The following FRMPD4 variants were observed in gnomAD, a reference collection of about 807,000 sequenced individuals.
The protein encoded by FRMPD4 is FERM and PDZ domain containing 4.
FRMPD4 carries 22 observed loss-of-function variants against 94.1 expected under a neutral mutation model. That is an observed-to-expected ratio of 0.23 (90% CI 0.17 to 0.33). FRMPD4 has a LOEUF of 0.33. Among genes scored for constraint, FRMPD4 ranks in the 10% least tolerant of loss-of-function variants. The probability of loss-of-function intolerance (pLI) is 1.00; values close to 1 mark genes in which losing one functional copy is unlikely to be tolerated. For synonymous variants in FRMPD4, 631 were observed against 548.6 expected (o/e 1.15, Z -2.10); for missense variants, 1,111 against 1,339.9 (o/e 0.83, Z 2.67).
chrX:12,712,048 T>C (rs2041996802), intron 14 of FRMPD4, among the ~76,000 whole-genome samples: 1 of 111,263 alleles, frequency 9.0e-6, no homozygotes. Context: ...CAAATAAATC[T>C]GAGATTTAAT....
chrX:12,581,533 G>T (rs2148378233), intron 2 of FRMPD4, among the ~76,000 whole-genome samples: 1 of 112,025 alleles, frequency 8.9e-6, no homozygotes, highest in East Asian at 2.8e-4. Flanking sequence ...AAGAAATTTT[G>T]CTTAAACTAA....
At chrX:12,526,235 G>C in intron 2 of FRMPD4, among the ~76,000 whole-genome samples, 1 of 111,918 alleles carries the variant, frequency 8.9e-6, no homozygotes, top group African/African-American at 3.2e-5. Context: ...TCAAAGTATA[G>C]TCTGTCTGTG....
chrX:12,408,914 GA>G (rs1341995672), intron 1 of FRMPD4, among the ~76,000 whole-genome samples: 1 of 110,987 alleles, frequency 9.0e-6, no homozygotes, highest in Admixed American at 9.6e-5. Flanking sequence ...TCTTCCATTA[GA>G]GAGAGAATAT....
rs564192454 is a variant in FRMPD4 at position 12,527,902 on chromosome X, A to C, written c.158+29106A>C. On this transcript the variant is annotated intron_variant, in intron 2 of 16. Transcript: ENST00000675598. ...AAGGCATAAGAAGTCTTTTTGGCTT[A>C]ATGGGGAAATTGAAATGTTCTCTCA... Among the ~76,000 whole-genome samples, 64 of 112,411 alleles carry C rather than the reference A, an allele frequency of 5.7e-4. No homozygotes were observed. In the South Asian group the frequency reaches 0.023, roughly 41 times the overall value.
chrX:12,479,424 G>GACATATATACGTA (rs1555971406), intron 1 of FRMPD4, among the ~76,000 whole-genome samples: 1 of 68,830 alleles, frequency 1.5e-5, no homozygotes, highest in Admixed American at 1.5e-4. Context: ...ACATATATAC[G>GACATATATACGTA]TATATATATA....
At chrX:11,904,220 T>C (rs1409531872) in intron 3 of FRMPD4, among the ~76,000 whole-genome samples, 1 of 112,121 alleles carries the variant, frequency 8.9e-6, no homozygotes, top group Non-Finnish European at 1.9e-5. Flanking sequence ...ATGGTCATCA[T>C]CGGGTTTAAA....
chrX:12,018,363 C>T (rs2054614884), intron 3 of FRMPD4, among the ~76,000 whole-genome samples: 1 of 111,541 alleles, frequency 9.0e-6, no homozygotes, highest in Non-Finnish European at 1.9e-5. Context: ...GTGTTCTTCC[C>T]TCTGTGTGTG....
chrX:11,965,384 A>G (rs1341506412), intron 3 of FRMPD4, among the ~76,000 whole-genome samples: 1 of 112,411 alleles, frequency 8.9e-6, no homozygotes, highest in Non-Finnish European at 1.9e-5. Flanking sequence ...ATTCCCCTAG[A>G]AAGGATTCCT....
intron 1 of FRMPD4, among the ~76,000 whole-genome samples, chrX:12,320,926 T>C (rs141867539): frequency 0.03 from 3,420 of 112,251 alleles, 55 homozygotes; most frequent in Non-Finnish European, 0.047. Flanking sequence ...AGAAACTTTG[T>C]CCTGTACAGT....
At chrX:12,153,988 G>A (rs1325753948) in intron 1 of FRMPD4, among the ~76,000 whole-genome samples, 3 of 112,797 alleles carry the variant, frequency 2.7e-5, no homozygotes, top group Non-Finnish European at 5.6e-5. Flanking sequence ...TAAAACAGTA[G>A]AACTGAGTGG....
rs1373909516 is a variant in FRMPD4 at position 12,539,606 on chromosome X, C to G, written c.158+40810C>G. Among the ~76,000 whole-genome samples the G allele has an allele frequency of 4.5e-5, 5 of 110,938 alleles. No individual in the cohort carries two copies. The East Asian group carries it at 1.4e-3, about 31-fold the overall frequency. On this transcript the variant is annotated intron_variant, in intron 2 of 16. Coordinates refer to ENST00000675598, the MANE Select transcript of FRMPD4 (RefSeq NM_001368397.1). The stretch of plus-strand genomic sequence containing the variant: ...AGCTGATCTCTCGGCAGAAACTCTA[C>G]AAGCCAGAAGAGAGTGGGGGCTAAT...
At chrX:12,169,428 A>G (rs2056182461) in intron 1 of FRMPD4, among the ~76,000 whole-genome samples, 1 of 112,040 alleles carries the variant, frequency 8.9e-6, no homozygotes, top group Non-Finnish European at 1.9e-5. Context: ...CTTTTTGTGT[A>G]TATTGCTAAT....
At chrX:12,191,748 G>A (rs2056494892) in intron 1 of FRMPD4, among the ~76,000 whole-genome samples, 1 of 111,682 alleles carries the variant, frequency 9.0e-6, no homozygotes, top group Non-Finnish European at 1.9e-5. Context: ...GAGAGGGAGA[G>A]ATGAATAGGT....
At chrX:12,651,594 TA>T (rs910480101) in intron 4 of FRMPD4, among the ~76,000 whole-genome samples, 3 of 110,789 alleles carry the variant, frequency 2.7e-5, no homozygotes, top group African/African-American at 9.8e-5. Flanking sequence ...AGCATATGTA[TA>T]AAAAAGGCTT....
chrX:12,156,584 T>TA (rs1278870996), intron 1 of FRMPD4, among the ~76,000 whole-genome samples: 1 of 112,319 alleles, frequency 8.9e-6, no homozygotes, highest in Non-Finnish European at 1.9e-5. Context: ...CTGTGTTCCA[T>TA]ATACTGCAGA....
intron 3 of FRMPD4, among the ~76,000 whole-genome samples, chrX:12,096,469 T>C (rs2055203156): frequency 8.9e-6 from 1 of 111,854 alleles, no homozygotes; most frequent in Non-Finnish European, 1.9e-5. Flanking sequence ...TATTTTCTAC[T>C]CCCCCCTTAT....
At chrX:12,541,619 G>A (rs1358680419) in intron 2 of FRMPD4, among the ~76,000 whole-genome samples, 2 of 111,463 alleles carry the variant, frequency 1.8e-5, no homozygotes, top group African/African-American at 6.5e-5. Flanking sequence ...ACCAAAAAAA[G>A]TCCAGGACCA....
At chrX:12,108,393 A>C (rs755449291) in intron 3 of FRMPD4, among the ~76,000 whole-genome samples, 58 of 112,219 alleles carry the variant, frequency 5.2e-4, no homozygotes, top group African/African-American at 1.9e-3. Flanking sequence ...TGTCACCACC[A>C]GGCCTGCTCT....
intron 2 of FRMPD4, among the ~76,000 whole-genome samples, chrX:12,584,525 G>A (rs1268249273): frequency 9.0e-6 from 1 of 111,545 alleles, no homozygotes; most frequent in Non-Finnish European, 1.9e-5. Flanking sequence ...AGGTTTGGAA[G>A]CCCTAGCCCA....
Sources: allele counts gnomAD v4.1 joint callset (sites outside exome capture counted in the v4.1 genomes callset), GRCh38; gene constraint gnomAD v4.1.1; transcripts MANE v1.5; gene names NCBI Gene and HGNC (gene_info 2026-07-23, HGNC 2026-07-21).